The following OGFOD3 variants were observed in gnomAD, a reference collection of about 807,000 sequenced individuals.
OGFOD3 encodes 2-oxoglutarate and iron-dependent oxygenase domain-containing protein 3.
In OGFOD3, 35 loss-of-function variants were observed where a neutral mutation model predicts 39.8. The observed-to-expected ratio is 0.88, with a 90% CI of 0.67 to 1.17. The LOEUF is 1.17. Among genes scored for constraint, OGFOD3 ranks in the 50% most tolerant of loss-of-function variants. The pLI is 0.00. For synonymous variants in OGFOD3, 200 were observed against 192.0 expected, an observed-to-expected ratio of 1.04 and a Z score of -0.34; for missense variants, 438 against 454.5, an observed-to-expected ratio of 0.96 and a Z score of 0.33.
intron 8 of OGFOD3, chr17:82,396,850 A>G (rs2052680315): frequency 6.6e-6 from 1 of 152,268 alleles, no homozygotes; most frequent in African/African-American, 2.4e-5. Flanking sequence ...GACTCAGAAC[A>G]ACTGACATGA....
chr17:82,410,922 G>A (rs2052931872), intron 3 of OGFOD3, among the ~76,000 whole-genome samples: 1 of 151,338 alleles, frequency 6.6e-6, no homozygotes, highest in Admixed American at 6.6e-5. Context: ...GTTTCACCAT[G>A]TTGCCCAGGC....
At chr17:82,395,941 C>T (rs576508951) in intron 8 of OGFOD3, among the ~76,000 whole-genome samples, 12 of 150,878 alleles carry the variant, frequency 8.0e-5, no homozygotes, top group Admixed American at 1.3e-4. Context: ...ACATCAATCA[C>T]GTAAACACAC....
At chr17:82,398,109 G>T in intron 8 of OGFOD3, 87 bp downstream of exon 8, 1 of 1,527,842 alleles carries the variant, frequency 6.5e-7, no homozygotes, top group Non-Finnish European at 9.0e-7. Context: ...CGTGAACTCA[G>T]CCTCGCTCCC....
rs1457846681 is a variant in OGFOD3 at position 82,405,272 on chromosome 17, C to T, written c.545+52G>A. 4 of 1,530,080 alleles carry T rather than the reference C, an allele frequency of 2.6e-6. No homozygotes were observed. The South Asian group carries it at 3.4e-5, about 13-fold the overall frequency. The allele number at this position is 1,530,080 out of a possible 1,614,324, so 94.8% of individuals were successfully genotyped here. On this transcript the variant is annotated intron_variant, in intron 6 of 8. Transcript: ENST00000313056. The stretch of plus-strand genomic sequence containing the variant: ...GACCGGCCAGCTCTGCCACACCCCT[C>T]AGCCCCAGGCCACCCCGCCTGCGAA...
At chr17:82,411,915 C>A (rs966572439) in intron 2 of OGFOD3, among the ~76,000 whole-genome samples, 1 of 152,132 alleles carries the variant, frequency 6.6e-6, no homozygotes, top group Non-Finnish European at 1.5e-5. Context: ...CCTGAGACCG[C>A]CAGAGAGGAA....
intron 2 of OGFOD3, among the ~76,000 whole-genome samples, chr17:82,413,890 A>G (rs1033282309): frequency 2.6e-5 from 4 of 151,520 alleles, no homozygotes; most frequent in African/African-American, 4.9e-5. Context: ...AAAAAAAAAA[A>G]AAGAAGAAAG....
chr17:82,416,087 T>A (rs924879913), intron 1 of OGFOD3, among the ~76,000 whole-genome samples: 6 of 146,156 alleles, frequency 4.1e-5, no homozygotes, highest in South Asian at 4.3e-4. Context: ...AAAAAAAAAA[T>A]TAACCGGGTG....
intron 8 of OGFOD3, 116 bp downstream of exon 8, chr17:82,398,080 C>A: frequency 7.6e-7 from 1 of 1,317,880 alleles, no homozygotes; most frequent in South Asian, 1.3e-5. Flanking sequence ...AGCACCGGCC[C>A]GGCACACAGC....
intron 7 of OGFOD3, 75 bp downstream of exon 7, chr17:82,403,862 G>A (rs1567869954): frequency 6.6e-7 from 1 of 1,512,856 alleles, no homozygotes; most frequent in South Asian, 1.2e-5. Flanking sequence ...CCCTGCCCAC[G>A]TGCGCACTCA....
At chr17:82,416,037 TGACCAACATGGTGAAACC>T (rs1567876581) in intron 1 of OGFOD3, among the ~76,000 whole-genome samples, 1 of 151,488 alleles carries the variant, frequency 6.6e-6, no homozygotes, top group Non-Finnish European at 1.5e-5. Context: ...GAGACGAGCC[TGACCAACATGGTGAAACC>T]CTGTCTCTAC....
Position 82,405,374 on chromosome 17 carries a change from G to A in OGFOD3, c.495C>T (p.Phe165=), listed in dbSNP as rs139240570. Residue 165 remains phenylalanine (F), a synonymous_variant, in exon 6 of 9, where the codon TTC becomes TTT. Transcript: ENST00000313056. ...GKHFVNLYRY[F]GDKIQNIFSE... ...AGAAGATGTTCTGTATTTTATCCCC[G>A]AAGTATCTGTGAAAAAAGGAGTATT... is the stretch of plus-strand genomic sequence containing the variant. 1.4e-5 allele frequency: 23 copies of A among 1,613,340 alleles called. No individual in the cohort carries two copies. Among genetic ancestry groups the A allele is most frequent in the African/African-American group, 5.3e-5 (4 of 74,906 alleles).
chr17:82,399,931 G>A (rs542041926), intron 7 of OGFOD3, among the ~76,000 whole-genome samples: 5 of 152,188 alleles, frequency 3.3e-5, no homozygotes, highest in African/African-American at 7.2e-5. Flanking sequence ...GGATGGAGCC[G>A]CACCAGCGCG....
intron 4 of OGFOD3, 85 bp downstream of exon 4, chr17:82,409,283 G>A (rs2052906340): frequency 7.1e-7 from 1 of 1,400,226 alleles, no homozygotes; most frequent in Non-Finnish European, 1.0e-6. Flanking sequence ...AGGGAACCCT[G>A]CATGTCTGTG....
chr17:82,389,446 T>C lies in OGFOD3; in HGVS notation c.*2952A>G, dbSNP rs2052577013. The C allele has an allele frequency of 6.6e-6, 1 of 152,204 alleles. No individual in the cohort carries two copies. The highest frequency in any genetic ancestry group is 2.1e-4 in the South Asian group (1 of 4,830). 9.4% of individuals were successfully genotyped at this position (152,204 alleles called of 1,614,324 possible). A position where few individuals can be genotyped will look rare whatever the true frequency, so the allele number is the denominator to read the frequency against. ...TTGGGCAAAGCCCAGGGTGTGAGGA[T>C]TCACTGCTGTGCCCACGTATTTTCC... On this transcript the variant is annotated 3_prime_UTR_variant, in exon 9 of 9. Transcript: ENST00000313056. The surrounding 1 kb of genome is among the most constrained non-coding windows in gnomAD (Gnocchi z 4.6).
Position 82,405,142 on chromosome 17 carries a change from C to G in OGFOD3, c.545+182G>C, listed in dbSNP as rs113513440. Among the ~76,000 whole-genome samples the G allele has an allele frequency of 2.0e-5, 3 of 152,374 alleles. No homozygotes were observed. In the East Asian group the frequency reaches 5.8e-4, roughly 29 times the overall value. ...GGATTCCAGATCTGTTTCACCGACC[C>G]GGGCGCATCCTGGCCACGCTGGGCC... On this transcript the variant is annotated intron_variant, in intron 6 of 8. Transcript: ENST00000313056.
intron 2 of OGFOD3, among the ~76,000 whole-genome samples, chr17:82,412,321 G>A (rs1021071945): frequency 7.4e-6 from 1 of 134,708 alleles, no homozygotes; most frequent in Non-Finnish European, 1.6e-5. Context: ...CAACACGGTC[G>A]GGGCAGGGGC....
intron 8 of OGFOD3, among the ~76,000 whole-genome samples, chr17:82,397,412 G>GGC (rs2052692465): frequency 7.6e-6 from 1 of 131,198 alleles, no homozygotes; most frequent in Non-Finnish European, 1.7e-5. Context: ...GGGGGGGGGG[G>GGC]GGTGAGGGCA....
intron 3 of OGFOD3, among the ~76,000 whole-genome samples, chr17:82,410,033 C>T (rs1283053179): frequency 6.6e-6 from 1 of 152,238 alleles, no homozygotes; most frequent in Non-Finnish European, 1.5e-5. Context: ...TGCTCCCCAT[C>T]TCTCCTGGAA....
intron 2 of OGFOD3, among the ~76,000 whole-genome samples, chr17:82,414,623 C>G (rs539060175): frequency 6.6e-6 from 1 of 152,300 alleles, no homozygotes; most frequent in Admixed American, 6.5e-5. Context: ...GAGGCGGTCC[C>G]GTCCCTCCCT....
Sources: allele counts gnomAD v4.1 joint callset (sites outside exome capture counted in the v4.1 genomes callset), GRCh38; gene constraint gnomAD v4.1.1; non-coding constraint Gnocchi (gnomAD v3.1); transcripts MANE v1.5; gene names NCBI Gene and HGNC (gene_info 2026-07-23, HGNC 2026-07-21).